The following HS3ST5 variants were observed in gnomAD, a reference collection of about 807,000 sequenced individuals.
HS3ST5 encodes the protein heparan sulfate-glucosamine 3-sulfotransferase 5, also known as heparan sulfate glucosamine 3-O-sulfotransferase 5.
A neutral mutation model predicts 25.4 loss-of-function variants in HS3ST5; 10 were observed. The observed-to-expected ratio is 0.39, with a 90% CI of 0.24 to 0.67. The LOEUF is 0.67. HS3ST5 is among the 30% of genes least tolerant of loss of function. HS3ST5 has a pLI of 0.44. For missense variants in HS3ST5, 324 were observed against 420.7 expected (o/e 0.77, Z 2.01); for synonymous variants, 170 against 162.4 (o/e 1.05, Z -0.36).
chr6:114,268,360 T>C (rs1000467347), intron 1 of HS3ST5, among the ~76,000 whole-genome samples: 1 of 152,194 alleles, frequency 6.6e-6, no homozygotes, highest in African/African-American at 2.4e-5. Flanking sequence ...TCTGCCATTG[T>C]TGCTCTTCCT....
intron 1 of HS3ST5, among the ~76,000 whole-genome samples, chr6:114,307,337 T>C (rs187480673): frequency 6.6e-6 from 1 of 151,004 alleles, no homozygotes; most frequent in Admixed American, 6.7e-5. Flanking sequence ...TTGAAGTATG[T>C]ATAGCACAAA....
chr6:114,206,346 A>T (rs1781276877), intron 2 of HS3ST5, among the ~76,000 whole-genome samples: 1 of 152,214 alleles, frequency 6.6e-6, no homozygotes. Flanking sequence ...TTTTAAAATA[A>T]GTGAGAAACT....
At chr6:114,214,894 C>A (rs936696816) in intron 2 of HS3ST5, among the ~76,000 whole-genome samples, 1 of 152,128 alleles carries the variant, frequency 6.6e-6, no homozygotes, top group East Asian at 1.9e-4. Flanking sequence ...ACCTCACTAC[C>A]AATAGACCTC....
chr6:114,341,140 CAGAG>C (rs1272290665), intron 1 of HS3ST5, among the ~76,000 whole-genome samples: 1 of 126,708 alleles, frequency 7.9e-6, no homozygotes, highest in Non-Finnish European at 1.6e-5. Flanking sequence ...TATTCGGAGA[CAGAG>C]AGGAGAGGGG....
chr6:114,242,345 G>A (rs1333687048), intron 1 of HS3ST5, among the ~76,000 whole-genome samples: 2 of 151,998 alleles, frequency 1.3e-5, no homozygotes, highest in Non-Finnish European at 2.9e-5. Context: ...AAAATTTCAT[G>A]TGACTCATGA....
rs550294676 is a variant in HS3ST5, at chr6:114,160,946, A to G, written c.-33+7405T>C. Among the ~76,000 whole-genome samples, 3 of 152,326 alleles carry G rather than the reference A, an allele frequency of 2.0e-5. No individual in the cohort carries two copies. In the East Asian group the frequency reaches 5.8e-4, roughly 29 times the overall value. Reference sequence around the variant, plus strand: ...TGGAATAAATTGTAATAACCTTTCAAAAACTAGCAGCTTTTAAAAGTATTA... The same window carrying G: ...TGGAATAAATTGTAATAACCTTTCAGAAACTAGCAGCTTTTAAAAGTATTA... On this transcript the variant is annotated intron_variant, in intron 3 of 4. Transcript: ENST00000312719.
intron 3 of HS3ST5, among the ~76,000 whole-genome samples, chr6:114,145,742 G>C (rs549422435): frequency 2.0e-5 from 3 of 152,182 alleles, no homozygotes; most frequent in Non-Finnish European, 2.9e-5. Context: ...GGCAGGGCTC[G>C]TGTGGGGGTG....
chr6:114,298,524 C>A (rs192046858), intron 1 of HS3ST5, among the ~76,000 whole-genome samples: 18 of 152,250 alleles, frequency 1.2e-4, no homozygotes, highest in Non-Finnish European at 2.5e-4. Context: ...AGAATTAAAA[C>A]ACACACAAAA....
intron 1 of HS3ST5, among the ~76,000 whole-genome samples, chr6:114,341,205 GGAATAGGGA>G (rs1356874237): frequency 6.3e-5 from 8 of 127,162 alleles, no homozygotes; most frequent in East Asian, 2.3e-4. Flanking sequence ...AGAGGGAGAG[GGAATAGGGA>G]GAGAGGGGGA....
chr6:114,326,130 C>T (rs1048990764), intron 1 of HS3ST5, among the ~76,000 whole-genome samples: 18 of 151,556 alleles, frequency 1.2e-4, no homozygotes, highest in African/African-American at 3.4e-4. Flanking sequence ...CCTGGTGGCT[C>T]ATGCCTATAA....
intron 2 of HS3ST5, among the ~76,000 whole-genome samples, chr6:114,219,014 G>A (rs992201258): frequency 7.2e-5 from 11 of 152,082 alleles, no homozygotes; most frequent in Admixed American, 3.9e-4. Flanking sequence ...TTTGTTACCC[G>A]TAAAGTGGTT....
At chr6:114,237,575 G>A (rs1771916965) in intron 1 of HS3ST5, among the ~76,000 whole-genome samples, 1 of 152,130 alleles carries the variant, frequency 6.6e-6, no homozygotes, top group Non-Finnish European at 1.5e-5. Context: ...CCACTGGTCT[G>A]GGGTGGAGAA....
intron 3 of HS3ST5, among the ~76,000 whole-genome samples, chr6:114,162,659 T>G (rs1466539559): frequency 2.0e-5 from 3 of 152,192 alleles, no homozygotes; most frequent in Non-Finnish European, 4.4e-5. Context: ...CACCTCCTTT[T>G]CCAGTCTTTT....
At chr6:114,112,044 C>T (rs901204945) in intron 3 of HS3ST5, among the ~76,000 whole-genome samples, 1 of 152,122 alleles carries the variant, frequency 6.6e-6, no homozygotes, top group Non-Finnish European at 1.5e-5. Context: ...GTATAATTAT[C>T]CCTCATAAAC....
intron 1 of HS3ST5, among the ~76,000 whole-genome samples, chr6:114,306,255 A>ATATATATATATG (rs746045586): frequency 1.7e-4 from 21 of 123,762 alleles, no homozygotes; most frequent in South Asian, 7.6e-4. Context: ...ATATATATAT[A>ATATATATATATG]TACACACACA....
At chr6:114,142,430 C>T (rs892546129) in intron 3 of HS3ST5, among the ~76,000 whole-genome samples, 2 of 152,090 alleles carry the variant, frequency 1.3e-5, no homozygotes, top group African/African-American at 4.8e-5. Context: ...GCTCTGAATA[C>T]GGTCACGTGG....
intron 1 of HS3ST5, among the ~76,000 whole-genome samples, chr6:114,242,000 T>C (rs867922929): frequency 1.7e-4 from 26 of 152,362 alleles, no homozygotes; most frequent in South Asian, 8.3e-4. Context: ...GGGTCATTTT[T>C]TTCTGTCTTT....
intron 1 of HS3ST5, among the ~76,000 whole-genome samples, chr6:114,302,896 C>T (rs919334064): frequency 2.6e-5 from 4 of 152,038 alleles, no homozygotes; most frequent in Non-Finnish European, 5.9e-5. Context: ...GAGTTGTTTG[C>T]CCACATTTAA....
At chr6:114,116,759 C>T (rs1776548749) in intron 3 of HS3ST5, among the ~76,000 whole-genome samples, 2 of 152,084 alleles carry the variant, frequency 1.3e-5, no homozygotes, top group Admixed American at 1.3e-4. Context: ...CACCACTGAC[C>T]TAACTCTTAC....
Sources: gnomAD v4.1 joint callset for allele counts (sites outside exome capture counted in the v4.1 genomes callset) on GRCh38, gnomAD v4.1.1 for gene constraint, MANE v1.5 for transcripts, NCBI Gene and HGNC (gene_info 2026-07-23, HGNC 2026-07-21) for gene names.